The following CFAP46 variants were observed in gnomAD, a reference collection of about 807,000 sequenced individuals.
CFAP46 encodes the protein cilia- and flagella-associated protein 46.
CFAP46 carries 245 observed loss-of-function variants against 325.7 expected under a neutral mutation model. The observed-to-expected ratio is 0.75, with a 90% confidence interval of 0.68 to 0.84. The LOEUF (loss-of-function observed/expected upper bound fraction) is 0.84, where lower values mean the gene tolerates loss of function less well. Among genes scored for constraint, CFAP46 ranks in the 40% least tolerant of loss-of-function variants. The pLI is 0.00. For missense variants in CFAP46, 3,346 were observed against 3,543.0 expected (o/e 0.94, Z 1.41); for synonymous variants, 1,523 against 1,495.9 (o/e 1.02, Z -0.42).
At chr10:132,846,814 C>T in intron 43 of CFAP46, 118 bp downstream of exon 43, 1 of 1,318,374 alleles carries the variant, frequency 7.6e-7, no homozygotes, top group Non-Finnish European at 1.0e-6. Flanking sequence ...CTTAAGGACC[C>T]TGGCCTGCGG....
chr10:132,902,852 G>A (rs1201050429), intron 22 of CFAP46, among the ~76,000 whole-genome samples: 2 of 152,180 alleles, frequency 1.3e-5, no homozygotes, highest in African/African-American at 4.8e-5. Context: ...GGCTTTGTTG[G>A]GGTGAGTCTG....
chr10:132,816,123 G>A (rs995778579), intron 50 of CFAP46, among the ~76,000 whole-genome samples: 6 of 152,216 alleles, frequency 3.9e-5, no homozygotes, highest in South Asian at 4.2e-4. Flanking sequence ...TGTCCTTGCT[G>A]CCCAGGGGTT....
rs772792432 is a variant in CFAP46 at position 132,817,606 on chromosome 10, C to T, written c.7118-2692G>A. Among the ~76,000 whole-genome samples, 3 of 152,150 alleles carry T rather than the reference C, an allele frequency of 2.0e-5. No homozygotes were observed. The highest frequency in any genetic ancestry group is 2.9e-5 in the Non-Finnish European group (2 of 68,034). On this transcript the variant is annotated intron_variant, in intron 50 of 57. Transcript: ENST00000368586. The surrounding 1 kb of genome is among the most constrained non-coding windows in gnomAD (Gnocchi z 4.4). ...CTCTATTTGTTGGGAGTTTGCACAC[C>T]GACTCTCTGGTGGTGTCCTTAGCGC...
rs868751313 is a variant in CFAP46 at position 132,827,313 on chromosome 10, G to A, written c.7117+6045C>T. Among the ~76,000 whole-genome samples the A allele has an allele frequency of 5.3e-5, 8 of 152,158 alleles. No individual in the cohort carries two copies. Among genetic ancestry groups the A allele is most frequent in the African/African-American group, 1.9e-4 (8 of 41,440 alleles). ...ACCCAGTGGGCCAGAATCAGACGGA[G>A]AACAGCTATAAGCTGCCACGCCGAC... On this transcript the variant is annotated intron_variant, in intron 50 of 57. Transcript: ENST00000368586. The surrounding 1 kb of genome is among the most constrained non-coding windows in gnomAD (Gnocchi z 5.7).
chr10:132,875,302 A>G (rs1335029577), intron 31 of CFAP46, among the ~76,000 whole-genome samples: 4 of 152,258 alleles, frequency 2.6e-5, no homozygotes, highest in Non-Finnish European at 5.9e-5. Context: ...ACACCATAAC[A>G]ATGTCAGTTC....
chr10:132,921,339 C>T (rs767540611), intron 13 of CFAP46, among the ~76,000 whole-genome samples: 4 of 152,186 alleles, frequency 2.6e-5, no homozygotes, highest in South Asian at 2.1e-4. Flanking sequence ...AGAGTGGGGC[C>T]GCCTGCGTTC....
At chr10:132,875,992 A>G (rs1848952760) in intron 31 of CFAP46, among the ~76,000 whole-genome samples, 2 of 152,224 alleles carry the variant, frequency 1.3e-5, no homozygotes, top group South Asian at 4.1e-4. Flanking sequence ...GATTTTCCAG[A>G]ATAAAGGATT....
At chr10:132,825,315 G>C (rs73391213) in intron 50 of CFAP46, among the ~76,000 whole-genome samples, 1 of 151,976 alleles carries the variant, frequency 6.6e-6, no homozygotes, top group African/African-American at 2.4e-5. Context: ...GATGTGTGCC[G>C]TGTGCACTGA....
intron 51 of CFAP46, 29 bp downstream of exon 51, chr10:132,814,815 C>T: frequency 1.2e-6 from 2 of 1,614,008 alleles, no homozygotes; most frequent in Non-Finnish European, 1.7e-6. Flanking sequence ...GCCCACCAGC[C>T]CGATCCCCTA....
At position 132,860,770 on chromosome 10, in the gene CFAP46, C is replaced by G. The variant is rs551523908; in HGVS notation, c.5091+12G>C. The G allele has an allele frequency of 2.6e-6, 4 of 1,550,000 alleles. No individual in the cohort carries two copies. The African/African-American group carries it at 4.1e-5, about 16-fold the overall frequency. On this transcript the variant is annotated intron_variant, in intron 36 of 57. Coordinates refer to ENST00000368586, the MANE Select transcript of CFAP46 (RefSeq NM_001200049.3). ...CACCCGACATGCAGCCCCAGGTCCC[C>G]GTGCCTCTTACCGTAGCTTCCCTTC...
intron 19 of CFAP46, among the ~76,000 whole-genome samples, chr10:132,912,302 T>TCTC (rs144129101): frequency 0.1 from 10,129 of 98,778 alleles, 2,138 homozygotes; most frequent in African/African-American, 0.34. Context: ...CTCTCTCCTC[T>TCTC]CTTTCTCCTG....
intron 53 of CFAP46, 83 bp from the exon 54 acceptor site, chr10:132,814,337 A>G: frequency 8.2e-7 from 1 of 1,218,556 alleles, no homozygotes; most frequent in Non-Finnish European, 1.2e-6. Context: ...GGGAGGGGTC[A>G]CAGCGAATGC....
intron 13 of CFAP46, 110 bp downstream of exon 13, chr10:132,921,994 A>G (rs1849730701): frequency 1.5e-6 from 2 of 1,348,522 alleles, no homozygotes; most frequent in Non-Finnish European, 2.0e-6. Context: ...GTCCTTGTGC[A>G]TCCAGGGGGC....
At chr10:132,846,626 C>T (rs1202710481) in intron 43 of CFAP46, among the ~76,000 whole-genome samples, 5 of 150,708 alleles carry the variant, frequency 3.3e-5, no homozygotes, top group Non-Finnish European at 7.4e-5. Context: ...CTGCGACTGC[C>T]GGGTCTCTGT....
rs1848809104 is a variant in CFAP46 at position 132,866,084 on chromosome 10, C to G, written c.4831G>C (p.Glu1611Gln). Residue 1611 changes from glutamate (E) to glutamine (Q), a missense_variant, in exon 35 of 58, where the codon GAG (glutamate) becomes CAG (glutamine). By Grantham distance (29) the Glu-to-Gln change is conservative (BLOSUM62 2). Coordinates refer to ENST00000368586, the MANE Select transcript of CFAP46 (RefSeq NM_001200049.3). ...LWMLKAEVLLEMNLYQPARLL... is the reference protein window; with the variant it reads ...LWMLKAEVLLQMNLYQPARLL... ...CGTGCAGGCTGGTACAGGTTCATCT[C>G]CAGCAGAACTTCTGCCTTCAGCATC... 6.5e-7 allele frequency: 1 copy of G among 1,547,104 alleles called. No individual in the cohort carries two copies. Among genetic ancestry groups the G allele is most frequent in the Admixed American group, 2.0e-5 (1 of 50,568 alleles).
At chr10:132,813,878 CAG>C (rs1400100241) in intron 54 of CFAP46, among the ~76,000 whole-genome samples, 1 of 152,236 alleles carries the variant, frequency 6.6e-6, no homozygotes, top group Non-Finnish European at 1.5e-5. Context: ...GGAGGGGCTG[CAG>C]TGCTGCTGGT....
At chr10:132,880,154 G>A (rs1344943997) in intron 28 of CFAP46, among the ~76,000 whole-genome samples, 1 of 152,140 alleles carries the variant, frequency 6.6e-6, no homozygotes, top group African/African-American at 2.4e-5. Flanking sequence ...CACCCTAGCT[G>A]GGCTCTGCCG....
At chr10:132,836,958 A>G in intron 44 of CFAP46, 44 bp from the exon 45 acceptor site, 2 of 1,420,094 alleles carry the variant, frequency 1.4e-6, no homozygotes, top group Non-Finnish European at 2.0e-6. Flanking sequence ...TTTAGGACGC[A>G]AGGACGTCGC....
At position 132,920,163 on chromosome 10, in the gene CFAP46, C is replaced by T. The variant is rs1379134033; in HGVS notation, c.1626G>A (p.Arg542=). 7.1e-6 allele frequency: 11 copies of T among 1,544,766 alleles called. No individual in the cohort carries two copies. In the Admixed American group the frequency reaches 1.2e-4, roughly 17 times the overall value. Residue 542 remains arginine, a synonymous_variant, in exon 14 of 58, where the codon AGG becomes AGA. Coordinates refer to ENST00000368586, the MANE Select transcript of CFAP46 (RefSeq NM_001200049.3). ...TCGCACAGAGGTAGGTGAACCGGCCCCTGTTCTTCCCGGTGGAGACTGAGG... is the reference window on the plus strand; with the variant it reads ...TCGCACAGAGGTAGGTGAACCGGCCTCTGTTCTTCCCGGTGGAGACTGAGG... ...NEAKVSTGKN[R]GRFTYLCAKA...
Sources: gnomAD v4.1 joint callset for allele counts (sites outside exome capture counted in the v4.1 genomes callset) on GRCh38, gnomAD v4.1.1 for gene constraint, Gnocchi (gnomAD v3.1) non-coding constraint, MANE v1.5 for transcripts, NCBI Gene and HGNC (gene_info 2026-07-23, HGNC 2026-07-21) for gene names.